The following SNTG1 variants were observed in gnomAD, a reference collection of about 807,000 sequenced individuals.
SNTG1 encodes the protein gamma-1-syntrophin.
In SNTG1, 39 loss-of-function variants were observed where a neutral mutation model predicts 74.7. The ratio of observed to expected loss-of-function variants is 0.52; its 90% confidence interval spans 0.40 to 0.68. The LOEUF is 0.68. SNTG1 is among the 30% of genes least tolerant of loss of function. The probability of loss-of-function intolerance (pLI) is 0.00; values close to 1 mark genes in which losing one functional copy is unlikely to be tolerated. For missense variants in SNTG1, 685 were observed against 609.5 expected (o/e 1.12, Z -1.30); for synonymous variants, 254 against 217.1 (o/e 1.17, Z -1.49).
intron 8 of SNTG1, among the ~76,000 whole-genome samples, chr8:50,492,370 T>C (rs955011350): frequency 6.6e-6 from 1 of 152,168 alleles, no homozygotes; most frequent in Non-Finnish European, 1.5e-5. Context: ...AAAGCAAGCG[T>C]TCCTACTTCT....
At chr8:50,656,328 A>C (rs1000790770) in intron 13 of SNTG1, among the ~76,000 whole-genome samples, 1 of 152,198 alleles carries the variant, frequency 6.6e-6, no homozygotes, top group African/African-American at 2.4e-5. Flanking sequence ...CTAGAGGCTA[A>C]AGAGTTGATT....
intron 2 of SNTG1, among the ~76,000 whole-genome samples, chr8:50,283,508 T>C (rs567365315): frequency 3.7e-4 from 56 of 152,358 alleles, no homozygotes; most frequent in African/African-American, 1.3e-3. Flanking sequence ...ATAGGAAATA[T>C]AGGAATATGG....
At chr8:50,330,698 C>T (rs985225864) in intron 2 of SNTG1, among the ~76,000 whole-genome samples, 9 of 152,186 alleles carry the variant, frequency 5.9e-5, no homozygotes, top group African/African-American at 2.2e-4. Context: ...CACAGTTCCA[C>T]ATGGCTGGGG....
intron 2 of SNTG1, among the ~76,000 whole-genome samples, chr8:50,276,451 G>T (rs527636158): frequency 2.7e-4 from 40 of 149,592 alleles, no homozygotes; most frequent in Non-Finnish European, 1.3e-4. Flanking sequence ...ACAGGTTCTT[G>T]TACTTTAATC....
chr8:50,595,652 G>A (rs2094722170), intron 13 of SNTG1, among the ~76,000 whole-genome samples: 1 of 151,914 alleles, frequency 6.6e-6, no homozygotes, highest in Non-Finnish European at 1.5e-5. Flanking sequence ...AAATCCTGAG[G>A]GAGCGGGGAA....
intron 1 of SNTG1, among the ~76,000 whole-genome samples, chr8:49,973,716 A>G (rs1188085466): frequency 2.0e-5 from 3 of 152,200 alleles, no homozygotes; most frequent in African/African-American, 2.4e-5. Flanking sequence ...AGATCAAATC[A>G]GTTGAACTTA....
chr8:50,502,721 C>T (rs933337397), intron 8 of SNTG1, 57 bp from the exon 9 acceptor site: 4 of 1,376,722 alleles, frequency 2.9e-6, no homozygotes, highest in Non-Finnish European at 4.0e-6. Context: ...AAGGCTTTGC[C>T]ATCATATAAC....
intron 5 of SNTG1, among the ~76,000 whole-genome samples, chr8:50,449,421 T>A (rs1018684366): frequency 6.6e-6 from 1 of 152,220 alleles, no homozygotes; most frequent in Non-Finnish European, 1.5e-5. Flanking sequence ...TCTAAATACA[T>A]AATCAATATT....
chr8:50,492,124 C>T (rs946515087), intron 8 of SNTG1, among the ~76,000 whole-genome samples: 5 of 152,128 alleles, frequency 3.3e-5, no homozygotes, highest in Non-Finnish European at 5.9e-5. Flanking sequence ...TTTTCTTTAT[C>T]CAGTCTATCA....
chr8:50,106,933 GACAA>G (rs1049829753), intron 1 of SNTG1, among the ~76,000 whole-genome samples: 15 of 152,080 alleles, frequency 9.9e-5, no homozygotes, highest in African/African-American at 3.1e-4. Flanking sequence ...CAGGTTTGGA[GACAA>G]ACAGAGCTGA....
chr8:50,511,931 G>A (rs1416211932), intron 9 of SNTG1, among the ~76,000 whole-genome samples: 1 of 152,064 alleles, frequency 6.6e-6, no homozygotes, highest in African/African-American at 2.4e-5. Flanking sequence ...GGTTAATATT[G>A]TTGTGTGTGG....
At chr8:50,583,826 G>T (rs545927076) in intron 12 of SNTG1, among the ~76,000 whole-genome samples, 1 of 150,836 alleles carries the variant, frequency 6.6e-6, no homozygotes, top group African/African-American at 2.4e-5. Flanking sequence ...ACAACATGCA[G>T]GTCTGTTACA....
At chr8:50,250,859 A>G (rs1218728243) in intron 2 of SNTG1, among the ~76,000 whole-genome samples, 1 of 152,130 alleles carries the variant, frequency 6.6e-6, no homozygotes. Flanking sequence ...AAAAGGAAAC[A>G]AAAGGATAAT....
intron 13 of SNTG1, 135 bp from the exon 14 acceptor site, chr8:50,656,774 A>C: frequency 3.3e-6 from 2 of 600,412 alleles, no homozygotes; most frequent in East Asian, 3.2e-5. Flanking sequence ...AATCAATTTG[A>C]TAATTTTATG....
At chr8:50,222,266 A>G (rs1292460326) in intron 2 of SNTG1, among the ~76,000 whole-genome samples, 1 of 152,196 alleles carries the variant, frequency 6.6e-6, no homozygotes, top group African/African-American at 2.4e-5. Flanking sequence ...GTGGTCTTTC[A>G]TTAGATTTAT....
chr8:49,961,991 A>G (rs1489539878), intron 1 of SNTG1, among the ~76,000 whole-genome samples: 1 of 152,230 alleles, frequency 6.6e-6, no homozygotes, highest in Non-Finnish European at 1.5e-5. Context: ...AAGAAAAGCC[A>G]TGTCAATGGC....
At position 50,456,245 on chromosome 8, in the gene SNTG1, A is replaced by G. The variant is rs560836535; in HGVS notation, c.363+5516A>G. On this transcript the variant is annotated intron_variant, in intron 8 of 18. Transcript: ENST00000642720. ...TACTCCTGACTGCTGATTCTTATCA[A>G]ATCTTTATTTGTCCTCTTATTTTTT... 2.0e-5 allele frequency among the ~76,000 whole-genome samples: 3 copies of G among 152,300 alleles called. No homozygotes were observed. The East Asian group carries it at 5.8e-4, about 29-fold the overall frequency.
chr8:50,284,471 A>G (rs747521690), intron 2 of SNTG1, among the ~76,000 whole-genome samples: 3 of 152,016 alleles, frequency 2.0e-5, no homozygotes, highest in Non-Finnish European at 4.4e-5. Flanking sequence ...GACTTTGGCC[A>G]TTGGTTGTCC....
intron 15 of SNTG1, among the ~76,000 whole-genome samples, chr8:50,673,976 AT>A (rs972486955): frequency 3.3e-5 from 5 of 151,952 alleles, no homozygotes; most frequent in Admixed American, 6.6e-5. Flanking sequence ...TGATGAACAC[AT>A]TTATTGATTT....
Sources: gnomAD v4.1 joint callset for allele counts (sites outside exome capture counted in the v4.1 genomes callset) on GRCh38, gnomAD v4.1.1 for gene constraint, MANE v1.5 for transcripts, NCBI Gene and HGNC (gene_info 2026-07-23, HGNC 2026-07-21) for gene names.